The following CNTN5 variants were observed in gnomAD, a reference collection of about 807,000 sequenced individuals.
CNTN5 encodes the protein contactin 5, also known as contactin-5.
In CNTN5, 77 loss-of-function variants were observed where a neutral mutation model predicts 129.1. The observed-to-expected ratio is 0.60, with a 90% CI of 0.50 to 0.72. The LOEUF is 0.72. CNTN5 is among the 30% of genes least tolerant of loss of function. The probability of loss-of-function intolerance (pLI) is 0.00; values close to 1 mark genes in which losing one functional copy is unlikely to be tolerated. For missense variants in CNTN5, 1,478 were observed against 1,328.8 expected (o/e 1.11, Z -1.75); for synonymous variants, 509 against 465.6 (o/e 1.09, Z -1.20).
At chr11:99,160,789 T>A (rs773752317) in intron 1 of CNTN5, among the ~76,000 whole-genome samples, 15 of 151,952 alleles carry the variant, frequency 9.9e-5, no homozygotes, top group Non-Finnish European at 1.6e-4. Context: ...CAAAATACAG[T>A]GAGAGGGAGA....
chr11:99,789,357 A>G (rs1945655551), intron 3 of CNTN5, among the ~76,000 whole-genome samples: 1 of 152,014 alleles, frequency 6.6e-6, no homozygotes, highest in South Asian at 2.1e-4. Flanking sequence ...TGTAAGACAG[A>G]TAATGAACAA....
At position 100,079,316 on chromosome 11, in the gene CNTN5, C is replaced by T. The variant is rs143082731; in HGVS notation, c.1580+5022C>T. Reference sequence around the variant, plus strand: ...TGCTTACCATTCTCCTTTCTTTCTCCAGTCATTAAGGAAAAGAATACCTAA... The same window carrying T: ...TGCTTACCATTCTCCTTTCTTTCTCTAGTCATTAAGGAAAAGAATACCTAA... On this transcript the variant is annotated intron_variant, in intron 13 of 24. Transcript: ENST00000524871. 1.8e-3 allele frequency among the ~76,000 whole-genome samples: 274 copies of T among 152,244 alleles called. 1 individual carries two copies. Among genetic ancestry groups the T allele is most frequent in the African/African-American group, 6.0e-3 (251 of 41,562 alleles).
intron 7 of CNTN5, among the ~76,000 whole-genome samples, chr11:99,925,788 A>G (rs1056222690): frequency 2.6e-5 from 4 of 152,032 alleles, no homozygotes; most frequent in African/African-American, 9.7e-5. Flanking sequence ...CAGGTTCACC[A>G]TTCTCAAAAC....
At chr11:99,441,807 A>G (rs1479199326) in intron 2 of CNTN5, among the ~76,000 whole-genome samples, 1 of 151,868 alleles carries the variant, frequency 6.6e-6, no homozygotes, top group Non-Finnish European at 1.5e-5. Flanking sequence ...CTTTTTTTTT[A>G]AATGCATTGT....
intron 1 of CNTN5, among the ~76,000 whole-genome samples, chr11:99,130,705 T>TTAAC (rs1334479455): frequency 4.0e-5 from 6 of 151,550 alleles, no homozygotes; most frequent in African/African-American, 1.5e-4. Context: ...GATCACATAA[T>TTAAC]TGGAAGTAAA....
At chr11:99,965,602 G>T (rs1012757366) in intron 8 of CNTN5, among the ~76,000 whole-genome samples, 5 of 152,120 alleles carry the variant, frequency 3.3e-5, no homozygotes, top group African/African-American at 4.8e-5. Flanking sequence ...TTTTGGAACA[G>T]GTGTGGTGTG....
At chr11:100,327,597 T>A (rs1423980085) in intron 21 of CNTN5, among the ~76,000 whole-genome samples, 1 of 152,212 alleles carries the variant, frequency 6.6e-6, no homozygotes, top group African/African-American at 2.4e-5. Flanking sequence ...GTGGGTGTGA[T>A]CATTTATTCA....
intron 3 of CNTN5, among the ~76,000 whole-genome samples, chr11:99,730,392 A>G (rs966759869): frequency 4.6e-5 from 7 of 152,222 alleles, no homozygotes; most frequent in Non-Finnish European, 8.8e-5. Context: ...AGAGAATACT[A>G]TATTAACTTC....
chr11:100,185,477 G>A (rs184899167), intron 13 of CNTN5, among the ~76,000 whole-genome samples: 1 of 152,222 alleles, frequency 6.6e-6, no homozygotes, highest in Non-Finnish European at 1.5e-5. Context: ...TGATAAAGAA[G>A]AGCGAGGTCT....
At chr11:99,422,518 TTATATATATATATATATATATATA>T (rs71046684) in intron 2 of CNTN5, among the ~76,000 whole-genome samples, 3 of 83,406 alleles carry the variant, frequency 3.6e-5, no homozygotes, top group East Asian at 5.7e-4. Context: ...CTTTATATTT[TTATATATATATATATATATATATA>T]TATATATATA....
At chr11:99,120,445 G>T (rs1275018680) in intron 1 of CNTN5, 1 of 152,228 alleles carries the variant, frequency 6.6e-6, no homozygotes, top group Non-Finnish European at 1.5e-5. Context: ...ATAAAGGGAT[G>T]AGCCATATAA....
chr11:99,066,645 C>T (rs960834140), intron 1 of CNTN5, among the ~76,000 whole-genome samples: 1 of 152,100 alleles, frequency 6.6e-6, no homozygotes. Flanking sequence ...TCCCCAGTGA[C>T]CTAAGCCATG....
At chr11:99,533,362 A>G (rs1214224772) in intron 2 of CNTN5, among the ~76,000 whole-genome samples, 1 of 152,230 alleles carries the variant, frequency 6.6e-6, no homozygotes, top group East Asian at 1.9e-4. Flanking sequence ...AAACAGTAAC[A>G]TCAGGTAGGC....
At chr11:99,818,537 T>G (rs761090483) in intron 3 of CNTN5, among the ~76,000 whole-genome samples, 1 of 151,796 alleles carries the variant, frequency 6.6e-6, no homozygotes, top group Non-Finnish European at 1.5e-5. Flanking sequence ...ATTAAAGGCA[T>G]GAGCCGACGT....
chr11:99,496,363 A>AT (rs1365511254), intron 2 of CNTN5, among the ~76,000 whole-genome samples: 1 of 152,086 alleles, frequency 6.6e-6, no homozygotes, highest in Non-Finnish European at 1.5e-5. Flanking sequence ...AGTGAAAATG[A>AT]TTTTTTTAAG....
chr11:99,359,808 G>A (rs1003968671), intron 2 of CNTN5, among the ~76,000 whole-genome samples: 5 of 151,864 alleles, frequency 3.3e-5, no homozygotes, highest in African/African-American at 4.8e-5. Flanking sequence ...GCAGTAGTAC[G>A]ACAAGCATAC....
At chr11:100,071,656 C>T in intron 11 of CNTN5, 49 bp from the exon 12 acceptor site, 1 of 1,415,924 alleles carries the variant, frequency 7.1e-7, no homozygotes, top group Non-Finnish European at 9.5e-7. Flanking sequence ...CCATAAAATC[C>T]ATGTTATTTG....
chr11:100,064,834 G>A (rs1943633254), intron 10 of CNTN5, among the ~76,000 whole-genome samples: 1 of 152,064 alleles, frequency 6.6e-6, no homozygotes, highest in Non-Finnish European at 1.5e-5. Flanking sequence ...ACAAAGTAAG[G>A]AGAAAAGGGG....
intron 21 of CNTN5, among the ~76,000 whole-genome samples, chr11:100,310,431 G>A (rs1229841366): frequency 6.6e-6 from 1 of 151,826 alleles, no homozygotes; most frequent in African/African-American, 2.4e-5. Flanking sequence ...GATCACATGT[G>A]CACAATTCTT....
Sources: gnomAD v4.1 joint callset for allele counts (sites outside exome capture counted in the v4.1 genomes callset) on GRCh38, gnomAD v4.1.1 for gene constraint, MANE v1.5 for transcripts, NCBI Gene and HGNC (gene_info 2026-07-23, HGNC 2026-07-21) for gene names.